PDIA2: variants seen among roughly 807,000 people sequenced by gnomAD.
The protein encoded by PDIA2 is protein disulfide isomerase family A member 2.
Under a neutral mutation model 51.1 loss-of-function variants are expected in PDIA2, and 76 were observed. The ratio of observed to expected loss-of-function variants is 1.49; its 90% CI spans 1.24 to 1.80. PDIA2 has a LOEUF of 1.80. Among genes scored for constraint, PDIA2 ranks in the 40% most tolerant of loss-of-function variants. PDIA2 has a pLI of 0.00. For synonymous variants in PDIA2, 429 were observed against 309.9 expected (o/e 1.38, Z -4.04); for missense variants, 946 against 706.5 (o/e 1.34, Z -3.84).
Position 286,832 on chromosome 16 carries a change from C to G in PDIA2, c.1423-3C>G. The G allele has an allele frequency of 1.9e-6, 3 of 1,611,010 alleles. 1 individual carries two copies. In the South Asian group the frequency reaches 3.3e-5, roughly 18 times the overall value. On this transcript the variant is annotated splice_region_variant and splice_polypyrimidine_tract_variant and intron_variant, in intron 9 of 10. Transcript: ENST00000219406. ...TCCTCCAGATCCCCCTGCCTCTTCTCAGGTGATTGAATACAAAAGCACCAG... is the reference window on the plus strand; with the variant it reads ...TCCTCCAGATCCCCCTGCCTCTTCTGAGGTGATTGAATACAAAAGCACCAG...
chr16:285,125 T>C lies in PDIA2; in HGVS notation c.720T>C (p.Leu240=), dbSNP rs372270429. 224 of 1,612,782 alleles carry C rather than the reference T, an allele frequency of 1.4e-4. No individual in the cohort carries two copies. The highest frequency in any genetic ancestry group is 1.8e-4 in the Non-Finnish European group (215 of 1,179,754). ...GRADFPVDEE[L]GLDLGDLSRF... is the part of the protein sequence containing the mutation. ...CAGACTTCCCCGTGGACGAGGAGCT[T>C]GGCCTGGACCTGGGGGATCTGTCGC... Residue 240 remains leucine, a synonymous_variant, in exon 5 of 11, where the codon CTT becomes CTC. Transcript: ENST00000219406.
At position 286,377 on chromosome 16, in the gene PDIA2, C is replaced by A. The variant is rs45529833; in HGVS notation, c.1144C>A (p.Pro382Thr). 4.5e-6 allele frequency: 7 copies of A among 1,558,510 alleles called. No individual in the cohort carries two copies. The highest frequency in any genetic ancestry group is 1.1e-5 in the South Asian group (1 of 90,234). ...VKPYLLSQEIPPDWDQRPVKT... is the reference protein window; with the variant it reads ...VKPYLLSQEITPDWDQRPVKT... ...GCCCTATCTCCTGAGCCAGGAGATA[C>A]CCCCTGATTGGGATCAGCGGCCAGT... The change falls in exon 8 of 11, where the codon CCC (proline) becomes ACC (threonine). Residue 382 changes from proline to threonine, a missense_variant. Pro to Thr is a conservative substitution (Grantham distance 38). Transcript: ENST00000219406.
rs767999323 is a variant in PDIA2, at chr16:283,335, C to T, written c.166C>T (p.Leu56=). 2.7e-5 allele frequency: 43 copies of T among 1,608,618 alleles called. No individual in the cohort carries two copies. The South Asian group carries it at 4.4e-4, about 17-fold the overall frequency. Residue 56 remains leucine (L), a synonymous_variant, in exon 1 of 11, where the codon CTG becomes TTG. Coordinates refer to ENST00000219406, the MANE Select transcript of PDIA2 (RefSeq NM_006849.4). ...VLSRHTLGLA[L]REHPALLVEF... ...GAGCCGCCACACCCTGGGCCTGGCC[C>T]TGCGGGAGCACCCTGCCCTGCTGGT... is the stretch of plus-strand genomic sequence containing the variant.
rs1287050015 is a variant in PDIA2, at chr16:285,626, G to C, written c.1042G>C (p.Ala348Pro). Residue 348 changes from alanine (A) to proline (P), a missense_variant, in exon 7 of 11, where the codon GCG becomes CCG. Ala to Pro is a conservative substitution (Grantham distance 27). Transcript: ENST00000219406. ...CAACCTTGAAACCACTAAGAAGTAT[G>C]CGCCTGTGGATGGGGGCCCTGTCAC... is the stretch of plus-strand genomic sequence containing the variant. ...LVNLETTKKY[A>P]PVDGGPVTAA... 6.2e-7 allele frequency: 1 copy of C among 1,613,254 alleles called. No individual in the cohort carries two copies. Among genetic ancestry groups the C allele is most frequent in the Non-Finnish European group, 8.5e-7 (1 of 1,179,976 alleles).
In PDIA2 at chr16:283,216, C is replaced by T. The variant is rs938980328; in HGVS notation, c.47C>T (p.Ala16Val). 1.2e-6 allele frequency: 2 copies of T among 1,607,504 alleles called. No homozygotes were observed. Among genetic ancestry groups the T allele is most frequent in the Non-Finnish European group, 1.7e-6 (2 of 1,177,454 alleles). The change falls in exon 1 of 11, where the codon GCT (alanine) becomes GTT (valine). Residue 16 changes from alanine to valine, a missense_variant. By Grantham distance (64) the Ala-to-Val change is moderately conservative. Transcript: ENST00000219406. ...LPVLLLLLLR[A>V]SCPWGQEQGA... ...GTACTGCTGCTGCTGCTGCTCAGGG[C>T]TTCGTGCCCATGGGGTCAGGAACAG...
intron 2 of PDIA2, 32 bp downstream of exon 2, chr16:284,625 T>C (rs376488510): frequency 2.0e-5 from 32 of 1,605,338 alleles, no homozygotes; most frequent in Admixed American, 3.4e-5. Context: ...GGGGGGGCGG[T>C]GGCCAGGCCG....
intron 1 of PDIA2, chr16:284,123 C>T: frequency 1.3e-5 from 7 of 550,352 alleles, no homozygotes; most frequent in Non-Finnish European, 2.3e-5. Flanking sequence ...CCGCCTCTGC[C>T]TCCCAAAGTG....
Position 285,499 on chromosome 16 carries a change from G to A in PDIA2, c.922-7G>A. 3 of 1,612,486 alleles carry A rather than the reference G, an allele frequency of 1.9e-6. No individual in the cohort carries two copies. Among genetic ancestry groups the A allele is most frequent in the Non-Finnish European group, 2.5e-6 (3 of 1,179,876 alleles). ...TGGCCGGTGCCAGCATGGACTCCCT[G>A]CCACAGGTGCTGTTCGTGGTGGTGG... On this transcript the variant is annotated splice_polypyrimidine_tract_variant and splice_region_variant and intron_variant, in intron 6 of 10. Coordinates refer to ENST00000219406, the MANE Select transcript of PDIA2 (RefSeq NM_006849.4).
In PDIA2 at chr16:283,385, G is replaced by C. The variant is rs2052311498; in HGVS notation, c.199+17G>C. 4 of 1,565,484 alleles carry C rather than the reference G, an allele frequency of 2.6e-6. No individual in the cohort carries two copies. The highest frequency in any genetic ancestry group is 2.7e-5 in the African/African-American group (2 of 72,898). On this transcript the variant is annotated intron_variant, in intron 1 of 10. Coordinates refer to ENST00000219406, the MANE Select transcript of PDIA2 (RefSeq NM_006849.4). ...TGGAATTCTGTGAGTGCTGGGGCCA[G>C]TGGGGCTGGGGACCGGCGGGGGACC... is the stretch of plus-strand genomic sequence containing the variant.
Position 284,476 on chromosome 16 carries a change from C to G in PDIA2, c.289C>G (p.Leu97Val). 1 of 1,607,248 alleles carries G rather than the reference C, an allele frequency of 6.2e-7. No homozygotes were observed. The highest frequency in any genetic ancestry group is 1.1e-5 in the South Asian group (1 of 89,780). Reference sequence around the variant, plus strand: ...CGCGGCCGAGTCAATGGTGGTCACGCTGGCCAAGGTGGATGGGCCCGCGCA... The same window carrying G: ...CGCGGCCGAGTCAATGGTGGTCACGGTGGCCAAGGTGGATGGGCCCGCGCA... Reference protein sequence around the residue: ...VLAAESMVVTLAKVDGPAQRE... With the variant: ...VLAAESMVVTVAKVDGPAQRE... Residue 97 changes from leucine (L) to valine (V), a missense_variant, in exon 2 of 11, where the codon CTG becomes GTG. By Grantham distance (32) the Leu-to-Val change is conservative. Transcript: ENST00000219406.
Position 285,839 on chromosome 16 carries a change from TCCCAACCCGGCGGTTCTCCCAAC to T in PDIA2, c.1119+165_1119+187del, listed in dbSNP as rs1221474536. On this transcript the variant is annotated intron_variant, in intron 7 of 10. Coordinates refer to ENST00000219406, the MANE Select transcript of PDIA2 (RefSeq NM_006849.4). ...GAGGCCCCCCTCAACCCGGCAATTC[TCCCAACCCGGCGGTTCTCCCAAC>T]CCCAACCCGGCGGTTCTCCCAACCC... 9.4e-4 allele frequency: 894 copies of T among 953,942 alleles called. 6 individuals are homozygous for T. The highest frequency in any genetic ancestry group is 3.3e-3 in the African/African-American group (153 of 46,776). The allele number at this position is 953,942 out of a possible 1,614,324, so 59.1% of individuals were successfully genotyped here.
Position 283,284 on chromosome 16 carries a change from C to G in PDIA2, c.115C>G (p.Pro39Ala). ...PSEEPPEEEI[P>A]KEDGILVLSR... ...GGAGGAGCCTCCAGAGGAGGAAATC[C>G]CCAAGGAGGATGGGATCTTGGTGCT... Residue 39 changes from proline to alanine, a missense_variant, in exon 1 of 11, where the codon CCC becomes GCC. Transcript: ENST00000219406. 6.2e-7 allele frequency: 1 copy of G among 1,611,114 alleles called. No individual in the cohort carries two copies. The highest frequency in any genetic ancestry group is 1.1e-5 in the South Asian group (1 of 90,824).
At position 286,870 on chromosome 16, in the gene PDIA2, T is replaced by C. The variant is rs747615597; in HGVS notation, c.1458T>C (p.Thr486=). ...ACAAAAGCACCAGGGACCTGGAGACTTTCTCCAAGTTCCTGGACAACGGGG... is the reference window on the plus strand; with the variant it reads ...ACAAAAGCACCAGGGACCTGGAGACCTTCTCCAAGTTCCTGGACAACGGGG... ...IEYKSTRDLE[T]FSKFLDNGGV... is the part of the protein sequence containing the mutation. The change falls in exon 10 of 11, where the codon ACT becomes ACC. Residue 486 remains threonine, a synonymous_variant. Coordinates refer to ENST00000219406, the MANE Select transcript of PDIA2 (RefSeq NM_006849.4). 6 of 1,607,360 alleles carry C rather than the reference T, an allele frequency of 3.7e-6. No homozygotes were observed. The highest frequency in any genetic ancestry group is 2.2e-5 in the East Asian group (1 of 44,810).
intron 1 of PDIA2, 145 bp downstream of exon 1, chr16:283,513 C>CCCCGCAGGCACTTGCCCCCACTG: frequency 1.1e-6 from 1 of 871,706 alleles, no homozygotes; most frequent in Non-Finnish European, 1.7e-6. Context: ...CCCAGGAGCT[C>CCCCGCAGGCACTTGCCCCCACTG]TCTAGGAGGG....
chr16:284,313 G>A, intron 1 of PDIA2, 74 bp from the exon 2 acceptor site: 1 of 1,406,424 alleles, frequency 7.1e-7, no homozygotes, highest in Non-Finnish European at 9.7e-7. Flanking sequence ...CTTGTTCCCT[G>A]CTGGGTTGTC....
At chr16:285,040 G>A (rs2052334943) in intron 4 of PDIA2, 25 bp downstream of exon 4, 1 of 1,613,202 alleles carries the variant, frequency 6.2e-7, no homozygotes, top group African/African-American at 1.3e-5. Flanking sequence ...GGTGTGGGTT[G>A]GGGTCCGGCT....
At chr16:284,281 C>T in intron 1 of PDIA2, 106 bp from the exon 2 acceptor site, 2 of 1,176,150 alleles carry the variant, frequency 1.7e-6, no homozygotes, top group South Asian at 2.7e-5. Context: ...GGCCAGGGCT[C>T]AGGGCAGAAT....
chr16:284,749 C>T lies in PDIA2; in HGVS notation c.497C>T (p.Ala166Val), dbSNP rs199979141. Residue 166 changes from alanine (A) to valine (V), a missense_variant, in exon 3 of 11, where the codon GCG (alanine) becomes GTG (valine). Transcript: ENST00000219406. ...MRLEDEAAAQ[A>V]LIGGRDLVVI... ...CTGGAGGACGAGGCGGCCGCCCAGG[C>T]GCTGATCGGTGGCCGGGACCTAGTG... 28 of 1,563,066 alleles carry T rather than the reference C, an allele frequency of 1.8e-5. No homozygotes were observed. The highest frequency in any genetic ancestry group is 6.7e-5 in the African/African-American group (5 of 74,430).
Position 286,472 on chromosome 16 carries a change from CTG to C in PDIA2, c.1240+2_1240+3del, listed in dbSNP as rs773817759. On this transcript the variant is annotated splice_donor_variant and coding_sequence_variant, in exon 8 of 11. Coordinates refer to ENST00000219406, the MANE Select transcript of PDIA2 (RefSeq NM_006849.4). LOFTEE classifies it high-confidence loss of function. ...AAACCAAGAATGTGTTTGTCAAGTT[CTG>C]TGAGTGTTGAGGGAGGCAGGGGTGG... The C allele has an allele frequency of 1.8e-5, 29 of 1,613,090 alleles. No homozygotes were observed. The highest frequency in any genetic ancestry group is 3.3e-5 in the South Asian group (3 of 91,072).
Sources: gnomAD v4.1 joint callset for allele counts on GRCh38, gnomAD v4.1.1 for gene constraint, MANE v1.5 for transcripts, NCBI Gene and HGNC (gene_info 2026-07-23, HGNC 2026-07-21) for gene names.